The following KIF19 variants were observed in gnomAD, a reference collection of about 807,000 sequenced individuals.
The protein encoded by KIF19 is kinesin family member 19, also known as kinesin-like protein KIF19.
In KIF19, 98 loss-of-function variants were observed where a neutral mutation model predicts 106.6. The ratio of observed to expected loss-of-function variants is 0.92; its 90% CI spans 0.78 to 1.09. The LOEUF (loss-of-function observed/expected upper bound fraction) is 1.09, where lower values mean the gene tolerates loss of function less well. Among genes scored for constraint, KIF19 ranks in the 50% least tolerant of loss-of-function variants. The pLI is 0.00. For missense variants in KIF19, 1,373 were observed against 1,414.3 expected, an observed-to-expected ratio of 0.97 and a Z score of 0.47; for synonymous variants, 516 against 584.2, an observed-to-expected ratio of 0.88 and a Z score of 1.68.
At chr17:74,349,801 AT>A (rs35461410) in intron 10 of KIF19, among the ~76,000 whole-genome samples, 83,952 of 146,344 alleles carry the variant, frequency 0.57, 24,787 homozygotes, top group African/African-American at 0.77. Context: ...GACAGTAAAG[AT>A]TTTTTTTTTT....
chr17:74,351,647 AG>A (rs2054704537), intron 12 of KIF19, among the ~76,000 whole-genome samples: 1 of 152,092 alleles, frequency 6.6e-6, no homozygotes, highest in Admixed American at 6.5e-5. Context: ...AGCTGGTTCC[AG>A]GGGTGGTTTG....
chr17:74,336,638 C>T (rs1567901748), intron 2 of KIF19, among the ~76,000 whole-genome samples: 1 of 152,186 alleles, frequency 6.6e-6, no homozygotes, highest in South Asian at 2.1e-4. Context: ...GTACTCCCCC[C>T]AGCCAGGCAG....
In KIF19 at chr17:74,352,940, C is replaced by T; in HGVS notation, c.2100C>T (p.Pro700=). The T allele has an allele frequency of 1.2e-6, 2 of 1,613,888 alleles. No individual in the cohort carries two copies. The highest frequency in any genetic ancestry group is 2.7e-5 in the African/African-American group (2 of 75,056). ...AQHLQNSALP[P]LSTESEGHHV... is the part of the protein sequence containing the mutation. ...ACCTGCAGAACAGCGCCCTCCCTCC[C>T]CTCAGCACAGAGAGGTGAGATGGGG... The change falls in exon 15 of 20, where the codon CCC becomes CCT. Residue 700 remains proline, a synonymous_variant. Coordinates refer to ENST00000389916, the MANE Select transcript of KIF19 (RefSeq NM_153209.4).
intron 7 of KIF19, 63 bp downstream of exon 7, chr17:74,345,018 G>A: frequency 1.4e-6 from 2 of 1,460,286 alleles, no homozygotes; most frequent in South Asian, 1.3e-5. Context: ...GCGGAGGGCA[G>A]GAATGGTGAC....
chr17:74,327,520 C>T (rs1339138756), intron 1 of KIF19, among the ~76,000 whole-genome samples: 5 of 152,208 alleles, frequency 3.3e-5, no homozygotes, highest in Admixed American at 6.5e-5. Flanking sequence ...TTCACTTTCT[C>T]ACCCAGGCTG....
At position 74,349,408 on chromosome 17, in the gene KIF19, G is replaced by A; in HGVS notation, c.1213+59G>A. 4.7e-6 allele frequency: 7 copies of A among 1,493,448 alleles called. No homozygotes were observed. In the African/African-American group the frequency reaches 5.6e-5, roughly 12 times the overall value. The allele number at this position is 1,493,448 out of a possible 1,614,324, so 92.5% of individuals were successfully genotyped here. On this transcript the variant is annotated intron_variant, in intron 10 of 19. Transcript: ENST00000389916. Reference sequence around the variant, plus strand: ...CTCCGGCCAGCCTCACGTTGCTCTGGGATCAGGCCATGTTGTGTTCAAATC... The same window carrying A: ...CTCCGGCCAGCCTCACGTTGCTCTGAGATCAGGCCATGTTGTGTTCAAATC...
chr17:74,340,548 C>T (rs112972452), intron 2 of KIF19, among the ~76,000 whole-genome samples: 3 of 131,992 alleles, frequency 2.3e-5, no homozygotes, highest in Admixed American at 7.9e-5. Context: ...AGCAGGTATG[C>T]GCGCGCGTAC....
At position 74,350,863 on chromosome 17, in the gene KIF19, T is replaced by G; in HGVS notation, c.1545T>G (p.Ile515Met). 1 of 1,613,896 alleles carries G rather than the reference T, an allele frequency of 6.2e-7. No individual in the cohort carries two copies. Among genetic ancestry groups the G allele is most frequent in the South Asian group, 1.1e-5 (1 of 91,062 alleles). The change falls in exon 12 of 20, where the codon ATT (isoleucine) becomes ATG (methionine). Residue 515 changes from isoleucine (I) to methionine (M), a missense_variant. Ile to Met is a conservative substitution (Grantham distance 10). Around this residue, in one of 3 missense-constraint regions of KIF19, gnomAD observed 1,020 missense variants for 1,008.2 expected, o/e 1.01. Coordinates refer to ENST00000389916, the MANE Select transcript of KIF19 (RefSeq NM_153209.4). Reference protein sequence around the residue: ...PPEVAAARESIAALVDEQKQL... With the variant: ...PPEVAAARESMAALVDEQKQL... Reference sequence around the variant, plus strand: ...AGGTGGCCGCAGCCCGGGAGAGCATTGCAGCCCTGGTGGACGAGCAGAAGC... The same window carrying G: ...AGGTGGCCGCAGCCCGGGAGAGCATGGCAGCCCTGGTGGACGAGCAGAAGC...
In KIF19 at chr17:74,339,776, G is replaced by T. The variant is rs556879518; in HGVS notation, c.121-2100G>T. Reference sequence around the variant, plus strand: ...CAGGCGCAGAGCAGCATTTAGAGGCGCCAGCTGCCTCTCAGGGGGCACCTC... The same window carrying T: ...CAGGCGCAGAGCAGCATTTAGAGGCTCCAGCTGCCTCTCAGGGGGCACCTC... On this transcript the variant is annotated intron_variant, in intron 2 of 19. Transcript: ENST00000389916. Among the ~76,000 whole-genome samples, 4 of 152,324 alleles carry T rather than the reference G, an allele frequency of 2.6e-5. No individual in the cohort carries two copies. The East Asian group carries it at 7.7e-4, about 29-fold the overall frequency.
At position 74,353,560 on chromosome 17, in the gene KIF19, G is replaced by A; in HGVS notation, c.2287G>A (p.Glu763Lys). The A allele has an allele frequency of 6.2e-7, 1 of 1,613,776 alleles. No homozygotes were observed. Among genetic ancestry groups the A allele is most frequent in the Non-Finnish European group, 8.5e-7 (1 of 1,179,874 alleles). ...SSPDSSENLS[E>K]IPLSHKERKE... is the part of the protein sequence containing the mutation. ...CCCTGACAGCAGTGAGAACCTGTCG[G>A]AGATCCCCTTGTCCCACAAAGGTAT... The change falls in exon 17 of 20, where the codon GAG becomes AAG. Residue 763 changes from glutamate (E) to lysine (K), a missense_variant. Physicochemically the swap from Glu to Lys is moderately conservative, Grantham distance 56. Transcript: ENST00000389916.
chr17:74,335,946 A>G (rs759480767), intron 2 of KIF19, among the ~76,000 whole-genome samples: 2 of 152,226 alleles, frequency 1.3e-5, no homozygotes, highest in Non-Finnish European at 2.9e-5. Context: ...AAGCTGCTGT[A>G]GCAAAGTGCC....
At chr17:74,335,571 G>A (rs1013896192) in intron 2 of KIF19, among the ~76,000 whole-genome samples, 4 of 152,372 alleles carry the variant, frequency 2.6e-5, no homozygotes, top group African/African-American at 7.2e-5. Context: ...CTCTGGAAAG[G>A]TCAAAATCTG....
At chr17:74,347,040 G>T (rs1343698555) in intron 8 of KIF19, among the ~76,000 whole-genome samples, 3 of 152,186 alleles carry the variant, frequency 2.0e-5, no homozygotes, top group Non-Finnish European at 4.4e-5. Context: ...GATTACATTT[G>T]CAGATGAGGA....
chr17:74,350,616 G>T (rs779124950), intron 11 of KIF19, 41 bp downstream of exon 11: 6 of 1,609,810 alleles, frequency 3.7e-6, no homozygotes, highest in African/African-American at 1.3e-5. Flanking sequence ...CCACCCCTGT[G>T]CCTGGGACAG....
chr17:74,349,777 TAA>T (rs897382994), intron 10 of KIF19, among the ~76,000 whole-genome samples: 1 of 150,804 alleles, frequency 6.6e-6, no homozygotes, highest in Non-Finnish European at 1.5e-5. Flanking sequence ...TTTACTAATA[TAA>T]AGAGAGAGGC....
Position 74,354,698 on chromosome 17 carries a change from C to T in KIF19, c.2707-84C>T, listed in dbSNP as rs540542940. ...CACCACCCTCCACAGTCTCTGTCCC[C>T]AGCCTAGCATAGTAGCTGGGACAGA... On this transcript the variant is annotated intron_variant, in intron 18 of 19. Transcript: ENST00000389916. 5.3e-6 allele frequency: 8 copies of T among 1,523,364 alleles called. 1 individual carries two copies. The highest frequency in any genetic ancestry group is 6.2e-6 in the Non-Finnish European group (7 of 1,130,226). 94.4% of individuals were successfully genotyped at this position (1,523,364 alleles called of 1,614,324 possible).
Position 74,343,100 on chromosome 17 carries a change from C to A in KIF19, c.396C>A (p.Phe132Leu), listed in dbSNP as rs762348071. Reference sequence around the variant, plus strand: ...ATGTTCAGACCCTCAACGACCTCTTCCGTGCCATCGAGGAGACCAGCAATG... The same window carrying A: ...ATGTTCAGACCCTCAACGACCTCTTACGTGCCATCGAGGAGACCAGCAATG... ...GIYVQTLNDL[F>L]RAIEETSNDM... is the part of the protein sequence containing the mutation. Residue 132 changes from phenylalanine (F) to leucine (L), a missense_variant, in exon 5 of 20, where the codon TTC becomes TTA. By Grantham distance (22) the Phe-to-Leu change is conservative (BLOSUM62 0). This residue lies in a region of KIF19 where 348 missense variants were observed against 389.5 expected (regional missense o/e 0.89). Coordinates refer to ENST00000389916, the MANE Select transcript of KIF19 (RefSeq NM_153209.4). 1 of 1,613,290 alleles carries A rather than the reference C, an allele frequency of 6.2e-7. No individual in the cohort carries two copies. Among genetic ancestry groups the A allele is most frequent in the East Asian group, 2.2e-5 (1 of 44,884 alleles).
chr17:74,348,389 G>A (rs2054597976), intron 9 of KIF19, among the ~76,000 whole-genome samples: 1 of 152,264 alleles, frequency 6.6e-6, no homozygotes, highest in African/African-American at 2.4e-5. Flanking sequence ...ATGGCGCTGA[G>A]GATGGAAATG....
intron 2 of KIF19, among the ~76,000 whole-genome samples, chr17:74,336,568 G>A (rs2054224326): frequency 1.3e-5 from 2 of 152,168 alleles, no homozygotes; most frequent in Admixed American, 1.3e-4. Flanking sequence ...TAAGGCACTA[G>A]GCATTAGGGC....
Sources: allele counts gnomAD v4.1 joint callset (sites outside exome capture counted in the v4.1 genomes callset), GRCh38; gene constraint gnomAD v4.1.1; regional missense constraint gnomAD v4.1.1; transcripts MANE v1.5; gene names NCBI Gene and HGNC (gene_info 2026-07-23, HGNC 2026-07-21).